Variants in ECPAS observed in about 807,000 individuals in gnomAD.
The protein encoded by ECPAS is proteasome adapter and scaffold protein ECM29.
A neutral mutation model predicts 255.1 loss-of-function variants in ECPAS; 70 were observed. The ratio of observed to expected loss-of-function variants is 0.27; its 90% CI spans 0.23 to 0.33. ECPAS has a LOEUF of 0.33. ECPAS is among the 10% of genes least tolerant of loss of function. The pLI is 1.00. For missense variants in ECPAS, 1,817 were observed against 2,206.4 expected, an observed-to-expected ratio of 0.82 and a Z score of 3.54; for synonymous variants, 784 against 775.0, an observed-to-expected ratio of 1.01 and a Z score of -0.19.
At position 111,442,342 on chromosome 9, in the gene ECPAS, G is replaced by GT; in HGVS notation, c.352dup (p.Thr118AsnfsTer13). The GT allele has an allele frequency of 6.2e-7, 1 of 1,612,804 alleles. No homozygotes were observed. Reference sequence around the variant, plus strand: ...TGGCTGAGGCTTCCCTTCCATGGCAGTAAGAAGCGTAGGGGCCAGTTCACA... The same window carrying GT: ...TGGCTGAGGCTTCCCTTCCATGGCAGTTAAGAAGCGTAGGGGCCAGTTCACA... On this transcript the variant is annotated frameshift_variant, in exon 5 of 50. Coordinates refer to ENST00000684092, the MANE Select transcript of ECPAS (RefSeq NM_001364929.1). LOFTEE classifies it high-confidence loss of function.
Position 111,405,632 on chromosome 9 carries a change from T to C in ECPAS, c.2652+2939A>G, listed in dbSNP as rs530172372. Reference sequence around the variant, plus strand: ...AACCTATGGCATAGACGAAAATATCTGCAAATTATCCATCTGACAAGAGAT... The same window carrying C: ...AACCTATGGCATAGACGAAAATATCCGCAAATTATCCATCTGACAAGAGAT... On this transcript the variant is annotated intron_variant, in intron 24 of 49. Transcript: ENST00000684092. 2.7e-5 allele frequency among the ~76,000 whole-genome samples: 4 copies of C among 149,994 alleles called. 1 individual carries two copies. Among genetic ancestry groups the C allele is most frequent in the African/African-American group, 7.6e-5 (3 of 39,662 alleles).
At chr9:111,420,865 T>C (rs1246257058) in intron 15 of ECPAS, among the ~76,000 whole-genome samples, 4 of 152,304 alleles carry the variant, frequency 2.6e-5, no homozygotes, top group Non-Finnish European at 5.9e-5. Context: ...GTGAGGATAT[T>C]AAAGACTAGC....
Position 111,385,347 on chromosome 9 carries a change from T to A in ECPAS, c.3623A>T (p.Asp1208Val), listed in dbSNP as rs1564507908. The A allele has an allele frequency of 6.8e-7, 1 of 1,471,632 alleles. No homozygotes were observed. Among genetic ancestry groups the A allele is most frequent in the Non-Finnish European group, 9.4e-7 (1 of 1,067,410 alleles). The allele number at this position is 1,471,632 out of a possible 1,614,324, so 91.2% of individuals were successfully genotyped here. A position where few individuals can be genotyped will look rare whatever the true frequency, so the allele number is the denominator to read the frequency against. The part of the protein sequence containing the change: ...EIWETLFRVQ[D>V]DIKESVRKAA... ...TTATTTCTATAATACCTTGATATCA[T>A]CTTGTACTCTAAAAAGCGTTTCCCA... Residue 1208 changes from aspartate (D) to valine (V), a missense_variant, in exon 33 of 50, where the codon GAT becomes GTT. Transcript: ENST00000684092.
At chr9:111,377,335 T>C (rs193234284) in intron 36 of ECPAS, among the ~76,000 whole-genome samples, 4 of 152,098 alleles carry the variant, frequency 2.6e-5, no homozygotes, top group East Asian at 3.9e-4. Flanking sequence ...AAAATAGACA[T>C]GGAACATAAA....
Position 111,373,987 on chromosome 9 carries a change from G to C in ECPAS, c.4162C>G (p.Leu1388Val). The change falls in exon 39 of 50, where the codon CTA (leucine) becomes GTA (valine). Residue 1388 changes from leucine (L) to valine (V), a missense_variant. By Grantham distance (32) the Leu-to-Val change is conservative (BLOSUM62 1). Transcript: ENST00000684092. ...VSLTTQCPQD[L>V]TPYSGKLMSA... ...ACAAACTCACCTGAGTAAGGTGTTA[G>C]GTCCTGAGGACACTGAGTAGTTAAT... 6.2e-7 allele frequency: 1 copy of C among 1,612,896 alleles called. No homozygotes were observed. The highest frequency in any genetic ancestry group is 8.5e-7 in the Non-Finnish European group (1 of 1,178,956).
At chr9:111,446,790 T>C (rs1049088477) in intron 3 of ECPAS, among the ~76,000 whole-genome samples, 2 of 152,160 alleles carry the variant, frequency 1.3e-5, no homozygotes, top group Admixed American at 6.5e-5. Flanking sequence ...AAAGTCAAAA[T>C]ATGACTCCAG....
chr9:111,362,645 C>T (rs1357372163), intron 49 of ECPAS, among the ~76,000 whole-genome samples: 1 of 152,000 alleles, frequency 6.6e-6, no homozygotes, highest in African/African-American at 2.4e-5. Flanking sequence ...CTGAGAACTA[C>T]ATGCACATTG....
intron 2 of ECPAS, among the ~76,000 whole-genome samples, chr9:111,466,424 G>A (rs546342485): frequency 7.2e-5 from 11 of 151,992 alleles, no homozygotes; most frequent in African/African-American, 2.2e-4. Flanking sequence ...CAGCCTGGGC[G>A]ACAGAGCGAG....
intron 7 of ECPAS, among the ~76,000 whole-genome samples, chr9:111,434,764 G>C (rs1030275173): frequency 1.3e-5 from 2 of 151,348 alleles, no homozygotes; most frequent in Non-Finnish European, 2.9e-5. Context: ...GCTAATTTTT[G>C]TTTTTGTTTT....
At chr9:111,409,191 A>G (rs2098190014) in intron 23 of ECPAS, among the ~76,000 whole-genome samples, 1 of 152,226 alleles carries the variant, frequency 6.6e-6, no homozygotes, top group Non-Finnish European at 1.5e-5. Flanking sequence ...GGCAATGATT[A>G]GTTAATAGCT....
chr9:111,483,899 G>C, intron 1 of ECPAS: 1 of 606,568 alleles, frequency 1.6e-6, no homozygotes, highest in South Asian at 6.7e-5. Context: ...TATTTAGAAA[G>C]AGCTGAGCCA....
intron 25 of ECPAS, among the ~76,000 whole-genome samples, chr9:111,395,732 C>A (rs549741171): frequency 6.6e-6 from 1 of 152,172 alleles, no homozygotes; most frequent in Admixed American, 6.5e-5. Context: ...CAGTGTGAGC[C>A]CTCCCTGTTG....
chr9:111,379,613 T>G (rs913282046), intron 35 of ECPAS, among the ~76,000 whole-genome samples: 32 of 152,234 alleles, frequency 2.1e-4, no homozygotes, highest in Admixed American at 2.1e-3. Flanking sequence ...CTTTGTAGCA[T>G]GAGATGCAGT....
rs2098142932 is a variant in ECPAS at position 111,383,291 on chromosome 9, G to A, written c.3723C>T (p.Gly1241=). The part of the protein sequence containing the change: ...KMCDPAKGAA[G]QRTIAALLPC... Reference sequence around the variant, plus strand: ...GCAGAAGGGCAGCGATGGTTCTCTGGCCAGCTGCTCCTTTGGCAGGGTCAC... The same window carrying A: ...GCAGAAGGGCAGCGATGGTTCTCTGACCAGCTGCTCCTTTGGCAGGGTCAC... Residue 1241 remains glycine (G), a synonymous_variant, in exon 35 of 50, where the codon GGC becomes GGT. Transcript: ENST00000684092. The A allele has an allele frequency of 6.8e-6, 11 of 1,612,908 alleles. No individual in the cohort carries two copies. Among genetic ancestry groups the A allele is most frequent in the Non-Finnish European group, 9.3e-6 (11 of 1,179,474 alleles).
At chr9:111,378,365 A>G (rs1221164293) in intron 36 of ECPAS, among the ~76,000 whole-genome samples, 1 of 152,238 alleles carries the variant, frequency 6.6e-6, no homozygotes, top group Non-Finnish European at 1.5e-5. Context: ...ACAAATGTTA[A>G]TTCATTTTTT....
At chr9:111,451,382 T>C (rs879793678) in intron 3 of ECPAS, 43 bp downstream of exon 3, 5 of 1,532,718 alleles carry the variant, frequency 3.3e-6, no homozygotes, top group African/African-American at 2.8e-5. Flanking sequence ...TGTATATTCA[T>C]TTATTCATCA....
intron 2 of ECPAS, among the ~76,000 whole-genome samples, chr9:111,471,688 A>AT (rs2098288436): frequency 6.6e-6 from 1 of 152,248 alleles, no homozygotes. Flanking sequence ...CCATACTCTT[A>AT]TTCTGCCTTA....
intron 20 of ECPAS, among the ~76,000 whole-genome samples, chr9:111,413,165 ATTCCACT>A (rs1399071039): frequency 6.6e-6 from 1 of 152,212 alleles, no homozygotes; most frequent in Non-Finnish European, 1.5e-5. Context: ...TGATACAGCT[ATTCCACT>A]TCTAGGGAAT....
intron 7 of ECPAS, among the ~76,000 whole-genome samples, chr9:111,434,585 C>CT (rs34507397): frequency 0.018 from 1,977 of 109,212 alleles, 72 homozygotes; most frequent in African/African-American, 0.055. Context: ...TTCCAGTTAA[C>CT]TTTTTTTTTT....
Sources: allele counts gnomAD v4.1 joint callset (sites outside exome capture counted in the v4.1 genomes callset), GRCh38; gene constraint gnomAD v4.1.1; transcripts MANE v1.5; gene names NCBI Gene and HGNC (gene_info 2026-07-23, HGNC 2026-07-21).